Variants in GAB2 observed in about 807,000 individuals in gnomAD.
GAB2 encodes GRB2-associated-binding protein 2.
A neutral mutation model predicts 65.5 loss-of-function variants in GAB2; 26 were observed. The ratio of observed to expected loss-of-function variants is 0.40; its 90% CI spans 0.29 to 0.55. GAB2 has a LOEUF of 0.55. GAB2 is among the 20% of genes least tolerant of loss of function. The pLI is 0.53. For synonymous variants in GAB2, 321 were observed against 329.6 expected, an observed-to-expected ratio of 0.97 and a Z score of 0.28; for missense variants, 884 against 875.8, an observed-to-expected ratio of 1.01 and a Z score of -0.12.
intron 1 of GAB2, among the ~76,000 whole-genome samples, chr11:78,368,792 T>C: frequency 6.6e-6 from 1 of 151,892 alleles, no homozygotes; most frequent in Non-Finnish European, 1.5e-5. Flanking sequence ...TAAAGTCAGA[T>C]AAGTCCAGGC....
intron 1 of GAB2, among the ~76,000 whole-genome samples, chr11:78,292,250 C>T (rs183876603): frequency 7.9e-5 from 12 of 152,224 alleles, no homozygotes; most frequent in African/African-American, 1.9e-4. Context: ...CTTCAGAAAG[C>T]GGGAAGTTAA....
At chr11:78,264,008 T>A (rs1865806223) in intron 2 of GAB2, among the ~76,000 whole-genome samples, 1 of 152,080 alleles carries the variant, frequency 6.6e-6, no homozygotes, top group Non-Finnish European at 1.5e-5. Context: ...TATTTACCAA[T>A]CTAACATATC....
At position 78,286,077 on chromosome 11, in the gene GAB2, C is replaced by T. The variant is rs192499733; in HGVS notation, c.76-5176G>A. ...CCCTCCTTTGTTTCCTTACATCCAA[C>T]AAATATTTATTCAGTGCTTACTATG... On this transcript the variant is annotated intron_variant, in intron 1 of 9. Coordinates refer to ENST00000361507, the MANE Select transcript of GAB2 (RefSeq NM_080491.3). Among the ~76,000 whole-genome samples, 693 of 152,282 alleles carry T rather than the reference C, an allele frequency of 4.6e-3. 3 individuals are homozygous for T. The highest frequency in any genetic ancestry group is 0.016 in the African/African-American group (672 of 41,558).
chr11:78,345,856 C>G (rs1236643577), intron 1 of GAB2, among the ~76,000 whole-genome samples: 1 of 152,194 alleles, frequency 6.6e-6, no homozygotes, highest in Non-Finnish European at 1.5e-5. Flanking sequence ...ATCCTACCAG[C>G]TGACACAAAG....
chr11:78,386,356 A>C (rs913107887), intron 1 of GAB2, among the ~76,000 whole-genome samples: 5 of 152,240 alleles, frequency 3.3e-5, no homozygotes, highest in Admixed American at 1.3e-4. Context: ...GGACAGACCT[A>C]GGGACCCTGC....
intron 1 of GAB2, among the ~76,000 whole-genome samples, chr11:78,400,210 T>C (rs980183128): frequency 6.6e-6 from 1 of 152,178 alleles, no homozygotes; most frequent in African/African-American, 2.4e-5. Flanking sequence ...CTCTTTCTCA[T>C]TTTGAACACC....
At position 78,280,842 on chromosome 11, in the gene GAB2, A is replaced by G; in HGVS notation, c.135T>C (p.Val45=). The change falls in exon 2 of 10, where the codon GTT becomes GTC. Residue 45 remains valine (V), a synonymous_variant. Coordinates refer to ENST00000361507, the MANE Select transcript of GAB2 (RefSeq NM_080491.3). ...RSGRMSGDPD[V]LEYYKNDHSK... ...AGTGATCGTTCTTGTAGTATTCCAG[A>G]ACATCTGGGTCACCGCTCATCCGGC... The G allele has an allele frequency of 6.2e-7, 1 of 1,614,154 alleles. No individual in the cohort carries two copies. The highest frequency in any genetic ancestry group is 8.5e-7 in the Non-Finnish European group (1 of 1,179,996).
intron 1 of GAB2, among the ~76,000 whole-genome samples, chr11:78,322,808 A>C (rs1177585100): frequency 1.3e-5 from 2 of 151,888 alleles, no homozygotes; most frequent in Admixed American, 6.6e-5. Context: ...AAAAAAAAAA[A>C]AAAAACAACA....
At chr11:78,355,833 C>G (rs959213616) in intron 1 of GAB2, among the ~76,000 whole-genome samples, 2 of 151,918 alleles carry the variant, frequency 1.3e-5, no homozygotes, top group African/African-American at 4.8e-5. Context: ...CTTATAGGAC[C>G]CTGGCTGGGT....
At chr11:78,288,703 G>A (rs1027439233) in intron 1 of GAB2, among the ~76,000 whole-genome samples, 2 of 152,128 alleles carry the variant, frequency 1.3e-5, no homozygotes, top group Non-Finnish European at 2.9e-5. Flanking sequence ...TAAATGAAGA[G>A]ACATACCATA....
At chr11:78,264,608 T>C (rs1467421522) in intron 2 of GAB2, among the ~76,000 whole-genome samples, 2 of 151,860 alleles carry the variant, frequency 1.3e-5, no homozygotes, top group East Asian at 1.9e-4. Flanking sequence ...GGTTTCGCCA[T>C]GTTGGCCAGG....
chr11:78,284,282 T>A (rs910964682), intron 1 of GAB2, among the ~76,000 whole-genome samples: 2 of 152,244 alleles, frequency 1.3e-5, no homozygotes, highest in African/African-American at 4.8e-5. Context: ...CACCATTTTG[T>A]AGTCTTCCTG....
chr11:78,400,359 A>T (rs1471399700), intron 1 of GAB2, among the ~76,000 whole-genome samples: 2 of 152,220 alleles, frequency 1.3e-5, no homozygotes, highest in Non-Finnish European at 2.9e-5. Context: ...ATATAAGGGC[A>T]TCATTCTGTT....
At chr11:78,293,833 A>G (rs1276275867) in intron 1 of GAB2, among the ~76,000 whole-genome samples, 2 of 152,256 alleles carry the variant, frequency 1.3e-5, no homozygotes, top group African/African-American at 4.8e-5. Flanking sequence ...GAGCAAGAGA[A>G]AAAGAGTACG....
At chr11:78,334,162 T>C (rs1281220402) in intron 1 of GAB2, among the ~76,000 whole-genome samples, 1 of 152,208 alleles carries the variant, frequency 6.6e-6, no homozygotes, top group Non-Finnish European at 1.5e-5. Flanking sequence ...ATACATGAGA[T>C]GTTTTGACAC....
At chr11:78,367,559 A>G (rs1358644267) in intron 1 of GAB2, among the ~76,000 whole-genome samples, 1 of 152,238 alleles carries the variant, frequency 6.6e-6, no homozygotes, top group Non-Finnish European at 1.5e-5. Flanking sequence ...ACTAATTAAA[A>G]GTGTTTAAAA....
intron 1 of GAB2, among the ~76,000 whole-genome samples, chr11:78,361,464 T>G (rs1180075553): frequency 6.7e-6 from 1 of 149,760 alleles, no homozygotes; most frequent in Non-Finnish European, 1.5e-5. Context: ...AAATGGTAAC[T>G]TGGGTTAGAA....
chr11:78,319,890 C>G (rs1202609647), intron 1 of GAB2, among the ~76,000 whole-genome samples: 5 of 146,438 alleles, frequency 3.4e-5, no homozygotes, highest in Non-Finnish European at 1.5e-5. Flanking sequence ...TTTTTTGAGA[C>G]CGAGTCTTGC....
intron 1 of GAB2, among the ~76,000 whole-genome samples, chr11:78,313,613 C>T (rs1855543418): frequency 1.3e-5 from 2 of 152,194 alleles, no homozygotes; most frequent in South Asian, 4.1e-4. Flanking sequence ...CAGGGTACAC[C>T]ATGGAGTCCA....
Sources: allele counts gnomAD v4.1 joint callset (sites outside exome capture counted in the v4.1 genomes callset), GRCh38; gene constraint gnomAD v4.1.1; transcripts MANE v1.5; gene names NCBI Gene and HGNC (gene_info 2026-07-23, HGNC 2026-07-21).